GNAQ: variants seen among roughly 807,000 people sequenced by gnomAD.
GNAQ encodes the protein G protein subunit alpha q, also known as guanine nucleotide-binding protein G(q) subunit alpha.
A neutral mutation model predicts 43.9 loss-of-function variants in GNAQ; 8 were observed. The ratio of observed to expected loss-of-function variants is 0.18; its 90% confidence interval spans 0.11 to 0.33. GNAQ has a LOEUF of 0.33. Ranked by LOEUF, GNAQ falls within the 10% of genes least tolerant of loss-of-function variation. The pLI, the probability that GNAQ is intolerant of heterozygous loss-of-function variation, is 1.00. For synonymous variants in GNAQ, 155 were observed against 170.7 expected, an observed-to-expected ratio of 0.91 and a Z score of 0.71; for missense variants, 158 against 450.8, an observed-to-expected ratio of 0.35 and a Z score of 5.88.
At chr9:77,981,191 G>A (rs1823363755) in intron 1 of GNAQ, among the ~76,000 whole-genome samples, 1 of 151,916 alleles carries the variant, frequency 6.6e-6, no homozygotes, top group African/African-American at 2.4e-5. Flanking sequence ...TCTCCATAAA[G>A]TCAATATTAA....
At position 77,719,089 on chromosome 9, in the gene GNAQ, G is replaced by A. The variant is rs1031222933; in HGVS notation, c.*2234C>T. 1.7e-5 allele frequency: 4 copies of A among 231,202 alleles called. No homozygotes were observed. Among genetic ancestry groups the A allele is most frequent in the African/African-American group, 4.4e-5 (2 of 45,092 alleles). The allele number at this position is 231,202 out of a possible 1,614,324, so 14.3% of individuals were successfully genotyped here. A position where few individuals can be genotyped will look rare whatever the true frequency, so the allele number is the denominator to read the frequency against. ...TGCAAATGATTTTATACAGCACGAC[G>A]CTAGTACCGCTCTGTATGACAGTAA... is the stretch of plus-strand genomic sequence containing the variant. On this transcript the variant is annotated 3_prime_UTR_variant, in exon 7 of 7. Transcript: ENST00000286548.
intron 3 of GNAQ, among the ~76,000 whole-genome samples, chr9:77,800,165 C>A (rs576101306): frequency 6.6e-6 from 1 of 151,814 alleles, no homozygotes; most frequent in East Asian, 1.9e-4. Flanking sequence ...GTCAGTGTGG[C>A]GATTCCTCAG....
intron 2 of GNAQ, among the ~76,000 whole-genome samples, chr9:77,832,096 T>TC (rs2118554950): frequency 6.6e-6 from 1 of 151,920 alleles, no homozygotes; most frequent in South Asian, 2.1e-4. Context: ...ACTTTTTTTT[T>TC]TTTTGGCTTT....
At chr9:77,960,460 C>T (rs991966161) in intron 1 of GNAQ, among the ~76,000 whole-genome samples, 2 of 151,984 alleles carry the variant, frequency 1.3e-5, no homozygotes, top group Non-Finnish European at 2.9e-5. Context: ...GCCCTGTTAC[C>T]CCTGGCCCTG....
intron 1 of GNAQ, chr9:78,030,386 A>G (rs1055078581): frequency 5.0e-6 from 2 of 396,260 alleles, no homozygotes; most frequent in Non-Finnish European, 1.1e-5. Context: ...CAACTCTTCT[A>G]GGCTCCCTCC....
intron 1 of GNAQ, among the ~76,000 whole-genome samples, chr9:78,018,370 G>C (rs1023157215): frequency 6.6e-6 from 1 of 152,056 alleles, no homozygotes; most frequent in African/African-American, 2.4e-5. Flanking sequence ...TGTGCAAAAA[G>C]AGCATGGTTC....
intron 1 of GNAQ, among the ~76,000 whole-genome samples, chr9:77,931,994 T>C (rs1829160141): frequency 6.6e-6 from 1 of 152,148 alleles, no homozygotes; most frequent in Non-Finnish European, 1.5e-5. Context: ...TCAAGAGAAA[T>C]AATATTTTAA....
At chr9:77,731,659 T>C (rs754084325) in intron 5 of GNAQ, among the ~76,000 whole-genome samples, 2 of 152,200 alleles carry the variant, frequency 1.3e-5, no homozygotes, top group South Asian at 4.1e-4. Flanking sequence ...TGTGAAGCAC[T>C]GTTAGTGTAG....
chr9:77,795,414 A>ATCCG (rs1826641545), intron 4 of GNAQ, among the ~76,000 whole-genome samples: 1 of 152,210 alleles, frequency 6.6e-6, no homozygotes, highest in Non-Finnish European at 1.5e-5. Context: ...AAATTGTTGA[A>ATCCG]TCCGTATCTT....
intron 2 of GNAQ, among the ~76,000 whole-genome samples, chr9:77,853,694 C>A (rs914675860): frequency 3.0e-5 from 4 of 135,210 alleles, no homozygotes; most frequent in African/African-American, 1.1e-4. Flanking sequence ...CCATGCTGTA[C>A]GTAATAGAGA....
chr9:77,733,884 T>C (rs1825533580), intron 5 of GNAQ, among the ~76,000 whole-genome samples: 1 of 152,206 alleles, frequency 6.6e-6, no homozygotes, highest in African/African-American at 2.4e-5. Context: ...CTGAAATCTT[T>C]ATAGATGAAT....
chr9:78,030,388 G>T (rs115019910), intron 1 of GNAQ: 11 of 397,456 alleles, frequency 2.8e-5, no homozygotes, highest in Middle Eastern at 3.6e-4. Context: ...ACTCTTCTAG[G>T]CTCCCTCCTT....
At chr9:77,794,705 T>A in intron 4 of GNAQ, 113 bp from the exon 5 acceptor site, 1 of 559,884 alleles carries the variant, frequency 1.8e-6, no homozygotes, top group East Asian at 3.0e-5. Flanking sequence ...ATGACGATGA[T>A]CATCCAAGTC....
intron 2 of GNAQ, among the ~76,000 whole-genome samples, chr9:77,892,420 T>C (rs1489467344): frequency 2.6e-5 from 4 of 152,252 alleles, no homozygotes; most frequent in African/African-American, 7.2e-5. Context: ...GACACTGTCT[T>C]GGATTTCTCA....
chr9:77,766,942 C>CT (rs1826145941), intron 5 of GNAQ, among the ~76,000 whole-genome samples: 1 of 152,208 alleles, frequency 6.6e-6, no homozygotes, highest in South Asian at 2.1e-4. Context: ...CTGTCCAGTG[C>CT]TTTTTTCCCT....
At chr9:77,779,228 C>A (rs952202706) in intron 5 of GNAQ, among the ~76,000 whole-genome samples, 1 of 151,768 alleles carries the variant, frequency 6.6e-6, no homozygotes, top group African/African-American at 2.4e-5. Context: ...TGTTTTCATA[C>A]CACAATGAAA....
chr9:77,724,158 T>G (rs1825361279), intron 6 of GNAQ, among the ~76,000 whole-genome samples: 1 of 152,154 alleles, frequency 6.6e-6, no homozygotes, highest in South Asian at 2.1e-4. Context: ...TTTCCTCCTA[T>G]TTTTTCAAGT....
intron 1 of GNAQ, among the ~76,000 whole-genome samples, chr9:77,932,065 G>T (rs1470165594): frequency 6.6e-6 from 1 of 152,118 alleles, no homozygotes; most frequent in African/African-American, 2.4e-5. Flanking sequence ...AATAAAGACA[G>T]GATCATTAAC....
chr9:77,831,951 T>C (rs557897409), intron 2 of GNAQ, among the ~76,000 whole-genome samples: 1 of 152,152 alleles, frequency 6.6e-6, no homozygotes, highest in Admixed American at 6.5e-5. Context: ...CTCCTTCTCA[T>C]AATGCATTAA....
Sources: gnomAD v4.1 joint callset for allele counts (sites outside exome capture counted in the v4.1 genomes callset) on GRCh38, gnomAD v4.1.1 for gene constraint, MANE v1.5 for transcripts, NCBI Gene and HGNC (gene_info 2026-07-23, HGNC 2026-07-21) for gene names.